Variants in CACNA2D3 observed in about 807,000 individuals in gnomAD.
The protein encoded by CACNA2D3 is calcium voltage-gated channel auxiliary subunit alpha2delta 3.
A neutral mutation model predicts 160.6 loss-of-function variants in CACNA2D3; 60 were observed. That is an observed-to-expected ratio of 0.37 (90% CI 0.30 to 0.46). CACNA2D3 has a LOEUF of 0.46. CACNA2D3 is among the 20% of genes least tolerant of loss of function. CACNA2D3 has a pLI of 1.00. For missense variants in CACNA2D3, 1,205 were observed against 1,365.0 expected, an observed-to-expected ratio of 0.88 and a Z score of 1.85; for synonymous variants, 558 against 492.9, an observed-to-expected ratio of 1.13 and a Z score of -1.75.
At chr3:54,276,818 G>A (rs1483134446) in intron 2 of CACNA2D3, among the ~76,000 whole-genome samples, 2 of 152,108 alleles carry the variant, frequency 1.3e-5, no homozygotes, top group Admixed American at 6.6e-5. Context: ...CAACTGTTGC[G>A]TCTAAACCCA....
At chr3:54,545,526 C>T (rs1190859988) in intron 5 of CACNA2D3, among the ~76,000 whole-genome samples, 2 of 152,160 alleles carry the variant, frequency 1.3e-5, no homozygotes, top group East Asian at 1.9e-4. Flanking sequence ...TCCCACGAAG[C>T]ACTTCTTTCT....
At chr3:54,755,838 G>A (rs568580797) in intron 12 of CACNA2D3, among the ~76,000 whole-genome samples, 1 of 151,598 alleles carries the variant, frequency 6.6e-6, no homozygotes, top group South Asian at 2.1e-4. Context: ...AAAATTTGCT[G>A]TTATTTCTTG....
At chr3:54,848,599 G>A (rs1032808093) in intron 17 of CACNA2D3, among the ~76,000 whole-genome samples, 4 of 152,212 alleles carry the variant, frequency 2.6e-5, no homozygotes, top group Non-Finnish European at 5.9e-5. Flanking sequence ...GATACCAACC[G>A]TTAAGCATTA....
chr3:54,192,671 GGTGTGT>G (rs147191768), intron 2 of CACNA2D3, among the ~76,000 whole-genome samples: 3 of 149,594 alleles, frequency 2.0e-5, no homozygotes, highest in Non-Finnish European at 3.0e-5. Flanking sequence ...CCATATGTGA[GGTGTGT>G]GTGTGTGTGT....
intron 13 of CACNA2D3, among the ~76,000 whole-genome samples, chr3:54,809,394 C>T (rs1703233641): frequency 7.3e-6 from 1 of 136,326 alleles, no homozygotes; most frequent in Admixed American, 7.3e-5. Flanking sequence ...TCTCGGCTCA[C>T]TGCAAGCTCC....
chr3:54,285,457 A>G (rs555877735), intron 2 of CACNA2D3, among the ~76,000 whole-genome samples: 2 of 152,330 alleles, frequency 1.3e-5, no homozygotes, highest in South Asian at 4.1e-4. Flanking sequence ...GGAGCCCACC[A>G]CAGCTCAAGG....
intron 4 of CACNA2D3, among the ~76,000 whole-genome samples, chr3:54,414,399 A>G (rs1270404151): frequency 6.6e-6 from 1 of 152,130 alleles, no homozygotes; most frequent in Non-Finnish European, 1.5e-5. Flanking sequence ...TTTAAAGACA[A>G]AAAGTGCAAC....
intron 37 of CACNA2D3, 96 bp downstream of exon 37, chr3:55,073,955 G>T: frequency 8.5e-7 from 1 of 1,171,120 alleles, no homozygotes; most frequent in South Asian, 1.3e-5. Flanking sequence ...GTTCACTCAT[G>T]AGAAAATAAT....
chr3:55,055,928 A>G lies in CACNA2D3; in HGVS notation c.2988-17517A>G, dbSNP rs546131193. 6.6e-5 allele frequency among the ~76,000 whole-genome samples: 10 copies of G among 152,288 alleles called. No individual in the cohort carries two copies. In the East Asian group the frequency reaches 1.7e-3, roughly 26 times the overall value. ...TTTGACCCCAAAAGCATAGGCAACA[A>G]AAGCAAAAATAGACAGATGAGATTG... On this transcript the variant is annotated intron_variant, in intron 35 of 37. Coordinates refer to ENST00000474759, the MANE Select transcript of CACNA2D3 (RefSeq NM_018398.3).
chr3:54,466,288 A>T (rs992909000), intron 4 of CACNA2D3, among the ~76,000 whole-genome samples: 3 of 152,182 alleles, frequency 2.0e-5, no homozygotes, highest in African/African-American at 7.2e-5. Context: ...TTGATGTTTA[A>T]TCAAGGAGAG....
intron 11 of CACNA2D3, among the ~76,000 whole-genome samples, chr3:54,748,810 A>G (rs1039004739): frequency 6.6e-6 from 1 of 152,168 alleles, no homozygotes; most frequent in Non-Finnish European, 1.5e-5. Context: ...CAGACCACTG[A>G]AAGTTTGTTA....
At chr3:54,331,408 G>A (rs1006567931) in intron 3 of CACNA2D3, among the ~76,000 whole-genome samples, 8 of 152,242 alleles carry the variant, frequency 5.3e-5, no homozygotes, top group African/African-American at 1.7e-4. Flanking sequence ...TCAGATTAGG[G>A]TTAGTAGAGT....
At chr3:54,253,918 C>T (rs1702245157) in intron 2 of CACNA2D3, among the ~76,000 whole-genome samples, 1 of 152,012 alleles carries the variant, frequency 6.6e-6, no homozygotes, top group Admixed American at 6.6e-5. Context: ...TAGGTGCCTG[C>T]CACCACGCCT....
chr3:54,244,323 A>C (rs1376902678), intron 2 of CACNA2D3, among the ~76,000 whole-genome samples: 1 of 152,238 alleles, frequency 6.6e-6, no homozygotes, highest in East Asian at 1.9e-4. Context: ...GATCTTGAAA[A>C]AGGACATTTC....
At chr3:54,689,733 C>T (rs893395707) in intron 11 of CACNA2D3, among the ~76,000 whole-genome samples, 2 of 152,122 alleles carry the variant, frequency 1.3e-5, no homozygotes, top group African/African-American at 4.8e-5. Context: ...CACACACACA[C>T]ACACACCCTA....
chr3:54,832,544 A>C (rs1703904184), intron 14 of CACNA2D3, among the ~76,000 whole-genome samples: 1 of 152,246 alleles, frequency 6.6e-6, no homozygotes, highest in Non-Finnish European at 1.5e-5. Context: ...TCTGCGGCAG[A>C]CTACTTTCTC....
chr3:54,156,293 T>C lies in CACNA2D3; in HGVS notation c.204+32699T>C, dbSNP rs145847689. 4.7e-4 allele frequency among the ~76,000 whole-genome samples: 72 copies of C among 152,290 alleles called. No homozygotes were observed. In the East Asian group the frequency reaches 8.9e-3, roughly 19 times the overall value. On this transcript the variant is annotated intron_variant, in intron 2 of 37. Coordinates refer to ENST00000474759, the MANE Select transcript of CACNA2D3 (RefSeq NM_018398.3). ...TGTTGTGGACAACTGGAATGTCATTTTCTAGGGAATTCTGGGAGCCACTGG... is the reference window on the plus strand; with the variant it reads ...TGTTGTGGACAACTGGAATGTCATTCTCTAGGGAATTCTGGGAGCCACTGG...
chr3:54,832,516 G>A (rs570978845), intron 14 of CACNA2D3, among the ~76,000 whole-genome samples: 8 of 152,324 alleles, frequency 5.3e-5, no homozygotes, highest in African/African-American at 1.9e-4. Flanking sequence ...TAAGTATAAA[G>A]CAATGGAATG....
intron 11 of CACNA2D3, among the ~76,000 whole-genome samples, chr3:54,740,043 G>A (rs1004261354): frequency 3.9e-5 from 6 of 152,042 alleles, no homozygotes; most frequent in Non-Finnish European, 8.8e-5. Context: ...TGGAAGGCTA[G>A]GTGGGAGGGT....
Sources: gnomAD v4.1 joint callset for allele counts (sites outside exome capture counted in the v4.1 genomes callset) on GRCh38, gnomAD v4.1.1 for gene constraint, MANE v1.5 for transcripts, NCBI Gene and HGNC (gene_info 2026-07-23, HGNC 2026-07-21) for gene names.